The following NGEF variants were observed in gnomAD, a reference collection of about 807,000 sequenced individuals.
NGEF encodes the protein neuronal guanine nucleotide exchange factor, also known as ephexin-1.
NGEF carries 31 observed loss-of-function variants against 80.9 expected under a neutral mutation model. That is an observed-to-expected ratio of 0.38 (90% confidence interval 0.29 to 0.52). NGEF has a LOEUF of 0.52. Among genes scored for constraint, NGEF ranks in the 20% least tolerant of loss-of-function variants. NGEF has a pLI of 0.84. For synonymous variants in NGEF, 371 were observed against 370.2 expected, an observed-to-expected ratio of 1.00 and a Z score of -0.03; for missense variants, 709 against 926.2, an observed-to-expected ratio of 0.77 and a Z score of 3.04.
intron 1 of NGEF, among the ~76,000 whole-genome samples, chr2:232,997,627 TC>T (rs1694881489): frequency 6.6e-6 from 1 of 151,670 alleles, no homozygotes; most frequent in African/African-American, 2.4e-5. Flanking sequence ...CATCCCACAT[TC>T]TCCCTCTTCT....
chr2:232,962,902 A>G (rs1234472018), intron 3 of NGEF, among the ~76,000 whole-genome samples: 2 of 151,974 alleles, frequency 1.3e-5, no homozygotes, highest in African/African-American at 2.4e-5. Context: ...ATTGTATACA[A>G]TATGTTGTTT....
intron 1 of NGEF, among the ~76,000 whole-genome samples, chr2:232,989,124 G>A (rs964589651): frequency 3.9e-5 from 6 of 152,118 alleles, no homozygotes; most frequent in Non-Finnish European, 7.4e-5. Context: ...AGAATTTAAG[G>A]TATGTACCTT....
chr2:232,969,434 TCCC>T (rs1694135913), intron 3 of NGEF, among the ~76,000 whole-genome samples: 1 of 62,208 alleles, frequency 1.6e-5, no homozygotes, highest in East Asian at 4.9e-4. Context: ...TATCTCTCCC[TCCC>T]TCCCTCCCTC....
intron 3 of NGEF, among the ~76,000 whole-genome samples, chr2:232,937,260 AC>A (rs1345069679): frequency 5.3e-5 from 8 of 152,096 alleles, no homozygotes; most frequent in African/African-American, 1.7e-4. Flanking sequence ...GAGCCACTGC[AC>A]CCAGCCTGTA....
At chr2:232,888,977 G>A (rs1366610103) in intron 8 of NGEF, among the ~76,000 whole-genome samples, 1 of 152,018 alleles carries the variant, frequency 6.6e-6, no homozygotes, top group Non-Finnish European at 1.5e-5. Context: ...CTGTAAGTAG[G>A]CTGGGTGCAT....
chr2:233,005,102 CGTT>C (rs1695058911), intron 1 of NGEF, among the ~76,000 whole-genome samples: 1 of 152,208 alleles, frequency 6.6e-6, no homozygotes, highest in South Asian at 2.1e-4. Flanking sequence ...GATTGGGTCT[CGTT>C]GTCCTCGATG....
chr2:233,010,437 T>C (rs1695178785), intron 1 of NGEF, among the ~76,000 whole-genome samples: 1 of 152,178 alleles, frequency 6.6e-6, no homozygotes, highest in South Asian at 2.1e-4. Flanking sequence ...CCCCAGTTCT[T>C]CTCCTCCTCC....
intron 5 of NGEF, among the ~76,000 whole-genome samples, chr2:232,913,536 C>T (rs1692732476): frequency 6.6e-6 from 1 of 152,136 alleles, no homozygotes; most frequent in Non-Finnish European, 1.5e-5. Flanking sequence ...GTTATGTCTC[C>T]CAGTTCTACT....
chr2:232,943,308 A>C (rs1693476973), intron 3 of NGEF, among the ~76,000 whole-genome samples: 1 of 152,116 alleles, frequency 6.6e-6, no homozygotes, highest in African/African-American at 2.4e-5. Flanking sequence ...GATTCTTACC[A>C]GGAGAAAAAG....
chr2:232,888,127 G>T lies in NGEF; in HGVS notation c.1273-20C>A. On this transcript the variant is annotated intron_variant, in intron 8 of 14. Transcript: ENST00000264051. ...GATGTTCTATGCACAGAGAAAGGCT[G>T]CGTTAACTTTAATCTTTTCTGGTCT... 4 of 1,560,018 alleles carry T rather than the reference G, an allele frequency of 2.6e-6. No individual in the cohort carries two copies. The highest frequency in any genetic ancestry group is 3.5e-6 in the Non-Finnish European group (4 of 1,154,286).
At chr2:232,899,230 CAT>C (rs1294814734) in intron 5 of NGEF, among the ~76,000 whole-genome samples, 3 of 151,748 alleles carry the variant, frequency 2.0e-5, no homozygotes. Flanking sequence ...TGAATGTGTG[CAT>C]ATGAGGGGGG....
intron 1 of NGEF, among the ~76,000 whole-genome samples, chr2:232,992,370 C>T (rs1049184009): frequency 6.6e-5 from 10 of 151,758 alleles, no homozygotes; most frequent in African/African-American, 1.7e-4. Flanking sequence ...CTAGCCTGGT[C>T]GACATGGTGA....
At chr2:232,917,980 G>A (rs1692846725) in intron 5 of NGEF, among the ~76,000 whole-genome samples, 1 of 151,974 alleles carries the variant, frequency 6.6e-6, no homozygotes, top group Non-Finnish European at 1.5e-5. Flanking sequence ...TTGAGACAGA[G>A]CCTCACTCTG....
At chr2:232,973,679 AG>A (rs1167939211) in intron 2 of NGEF, among the ~76,000 whole-genome samples, 2 of 152,200 alleles carry the variant, frequency 1.3e-5, no homozygotes, top group Non-Finnish European at 2.9e-5. Flanking sequence ...GAGATGAGTG[AG>A]GCTGTCCTCC....
At chr2:232,893,648 G>A (rs915585956) in intron 6 of NGEF, among the ~76,000 whole-genome samples, 3 of 152,126 alleles carry the variant, frequency 2.0e-5, no homozygotes, top group Admixed American at 1.3e-4. Context: ...GGTGGTGGAC[G>A]CCTGTAATCC....
At chr2:232,888,336 T>C (rs768303411) in intron 8 of NGEF, among the ~76,000 whole-genome samples, 3 of 150,674 alleles carry the variant, frequency 2.0e-5, no homozygotes, top group Non-Finnish European at 3.0e-5. Flanking sequence ...ACCATGCACA[T>C]GATGCACACC....
At chr2:232,898,051 G>A (rs959056734) in intron 5 of NGEF, among the ~76,000 whole-genome samples, 1 of 119,298 alleles carries the variant, frequency 8.4e-6, no homozygotes, top group South Asian at 2.8e-4. Flanking sequence ...CAAAAGTGAG[G>A]CTATGACGGG....
intron 1 of NGEF, among the ~76,000 whole-genome samples, chr2:232,983,805 A>G (rs1694484129): frequency 6.6e-6 from 1 of 152,226 alleles, no homozygotes; most frequent in African/African-American, 2.4e-5. Flanking sequence ...TTCTAATACA[A>G]ACAACATCTC....
At chr2:233,008,473 T>C (rs1348530729) in intron 1 of NGEF, among the ~76,000 whole-genome samples, 1 of 152,170 alleles carries the variant, frequency 6.6e-6, no homozygotes, top group East Asian at 1.9e-4. Flanking sequence ...TTGCACTAAC[T>C]TGTACATAAG....
Sources: gnomAD v4.1 joint callset for allele counts (sites outside exome capture counted in the v4.1 genomes callset) on GRCh38, gnomAD v4.1.1 for gene constraint, MANE v1.5 for transcripts, NCBI Gene and HGNC (gene_info 2026-07-23, HGNC 2026-07-21) for gene names.